The following DOCK1 variants were observed in gnomAD, a reference collection of about 807,000 sequenced individuals.
DOCK1 encodes the protein dedicator of cytokinesis protein 1.
DOCK1 carries 138 observed loss-of-function variants against 262.7 expected under a neutral mutation model. That is an observed-to-expected ratio of 0.53 (90% CI 0.46 to 0.61). DOCK1 has a LOEUF of 0.61. Ranked by LOEUF, DOCK1 falls within the 20% of genes least tolerant of loss-of-function variation. DOCK1 has a pLI of 0.00. For synonymous variants in DOCK1, 866 were observed against 867.4 expected, an observed-to-expected ratio of 1.00 and a Z score of 0.03; for missense variants, 1,908 against 2,370.7, an observed-to-expected ratio of 0.80 and a Z score of 4.05.
intron 1 of DOCK1, among the ~76,000 whole-genome samples, chr10:126,908,238 C>G (rs928567916): frequency 6.6e-6 from 1 of 152,208 alleles, no homozygotes; most frequent in Admixed American, 6.5e-5. Context: ...AGGATGCTGA[C>G]TGGGAAGGAT....
chr10:127,052,545 A>G, intron 21 of DOCK1, 136 bp from the exon 22 acceptor site: 1 of 1,308,774 alleles, frequency 7.6e-7, no homozygotes, highest in Non-Finnish European at 1.0e-6. Context: ...AAAAAAGAGA[A>G]AACGTTTTAC....
chr10:127,144,963 CA>C (rs1564838599), intron 27 of DOCK1, among the ~76,000 whole-genome samples: 15 of 152,112 alleles, frequency 9.9e-5, no homozygotes, highest in Non-Finnish European at 1.5e-4. Flanking sequence ...TTTAAAAAAG[CA>C]TTAGCCAGAT....
At chr10:127,059,648 C>T (rs1244794062) in intron 22 of DOCK1, among the ~76,000 whole-genome samples, 2 of 152,020 alleles carry the variant, frequency 1.3e-5, no homozygotes, top group Non-Finnish European at 2.9e-5. Flanking sequence ...TTGATTTTTT[C>T]ATAGATTCAT....
At position 127,060,258 on chromosome 10, in the gene DOCK1, C is replaced by T. The variant is rs536916769; in HGVS notation, c.2337-1410C>T. ...AAAAATGATTGCAGCTTGATGGCTCCCGAAGGGTTGCACCAGTCTACCAGG... is the reference window on the plus strand; with the variant it reads ...AAAAATGATTGCAGCTTGATGGCTCTCGAAGGGTTGCACCAGTCTACCAGG... On this transcript the variant is annotated intron_variant, in intron 22 of 51. Coordinates refer to ENST00000623213, the MANE Select transcript of DOCK1 (RefSeq NM_001290223.2). Among the ~76,000 whole-genome samples, 461 of 152,166 alleles carry T rather than the reference C, an allele frequency of 3.0e-3. 3 individuals carry two copies. Among genetic ancestry groups the T allele is most frequent in the African/African-American group, 0.011 (445 of 41,516 alleles).
At chr10:127,152,495 A>G (rs2052602287) in intron 27 of DOCK1, among the ~76,000 whole-genome samples, 1 of 152,168 alleles carries the variant, frequency 6.6e-6, no homozygotes. Flanking sequence ...TGCTGCCAGG[A>G]GGCCTTACCA....
intron 29 of DOCK1, among the ~76,000 whole-genome samples, chr10:127,329,467 G>A (rs577204569): frequency 1.3e-5 from 2 of 151,362 alleles, no homozygotes; most frequent in Non-Finnish European, 3.0e-5. Context: ...TGGGGTGAAC[G>A]GACACTGGGG....
intron 1 of DOCK1, among the ~76,000 whole-genome samples, chr10:126,939,707 G>A (rs896183197): frequency 6.6e-6 from 1 of 152,294 alleles, no homozygotes; most frequent in East Asian, 1.9e-4. Flanking sequence ...AGATGAGTCC[G>A]AGTCGTCACG....
intron 29 of DOCK1, among the ~76,000 whole-genome samples, chr10:127,314,438 A>G (rs1269835026): frequency 1.3e-5 from 2 of 152,212 alleles, no homozygotes; most frequent in Admixed American, 1.3e-4. Context: ...CATCCCATTC[A>G]TGCTGGGGAG....
rs1486361676 is a variant in DOCK1 at position 127,145,956 on chromosome 10, C to T, written c.2847+18192C>T. ...TCTCAAACAGGTTCTTTCAAGACGCCTATCTGTGAGGAAGAACCTGCCCTG... is the reference window on the plus strand; with the variant it reads ...TCTCAAACAGGTTCTTTCAAGACGCTTATCTGTGAGGAAGAACCTGCCCTG... On this transcript the variant is annotated intron_variant, in intron 27 of 51. Coordinates refer to ENST00000623213, the MANE Select transcript of DOCK1 (RefSeq NM_001290223.2). 7.8e-6 allele frequency: 4 copies of T among 512,684 alleles called. No individual in the cohort carries two copies. The Admixed American group carries it at 7.9e-5, about 10-fold the overall frequency. The allele number at this position is 512,684 out of a possible 1,614,324, so 31.8% of individuals were successfully genotyped here. A position where few individuals can be genotyped will look rare whatever the true frequency, so the allele number is the denominator to read the frequency against.
intron 23 of DOCK1, among the ~76,000 whole-genome samples, chr10:127,085,580 A>G (rs2047148753): frequency 6.6e-6 from 1 of 152,194 alleles, no homozygotes; most frequent in African/African-American, 2.4e-5. Context: ...TAACATAGTG[A>G]AACCCCATCT....
chr10:127,364,755 G>A (rs1222147560), intron 33 of DOCK1, among the ~76,000 whole-genome samples: 1 of 152,128 alleles, frequency 6.6e-6, no homozygotes, highest in African/African-American at 2.4e-5. Flanking sequence ...AACTTCCCCA[G>A]TGTAATGTCA....
At chr10:127,444,847 G>A (rs575547145) in intron 50 of DOCK1, among the ~76,000 whole-genome samples, 5 of 151,922 alleles carry the variant, frequency 3.3e-5, no homozygotes, top group East Asian at 2.0e-4. Context: ...AGCCTGTCCC[G>A]GGCCTCCCTC....
intron 27 of DOCK1, among the ~76,000 whole-genome samples, chr10:127,208,150 A>C (rs987245645): frequency 6.6e-6 from 1 of 152,238 alleles, no homozygotes; most frequent in African/African-American, 2.4e-5. Flanking sequence ...ACAATTGGGA[A>C]TAGTAATGTC....
Position 126,998,030 on chromosome 10 carries a change from A to G in DOCK1, c.610-62A>G, listed in dbSNP as rs535498342. On this transcript the variant is annotated intron_variant, in intron 7 of 51. Coordinates refer to ENST00000623213, the MANE Select transcript of DOCK1 (RefSeq NM_001290223.2). ...CAATTTTCTATTCTGTAGGGAATAA[A>G]GAAAGCAAGTGTCAGTGATGAGTGT... 8 of 1,591,580 alleles carry G rather than the reference A, an allele frequency of 5.0e-6. No homozygotes were observed. The East Asian group carries it at 1.6e-4, about 31-fold the overall frequency.
chr10:127,361,798 T>C (rs1258688107), intron 32 of DOCK1, among the ~76,000 whole-genome samples: 2 of 152,218 alleles, frequency 1.3e-5, no homozygotes, highest in African/African-American at 4.8e-5. Flanking sequence ...GTGTTCATCT[T>C]CTCTGACAGA....
At chr10:127,010,558 C>A (rs2041350572) in intron 11 of DOCK1, among the ~76,000 whole-genome samples, 1 of 152,158 alleles carries the variant, frequency 6.6e-6, no homozygotes, top group African/African-American at 2.4e-5. Context: ...CAGGGGAGGT[C>A]AGTGGCCCCG....
chr10:127,293,055 A>T (rs2061398482), intron 29 of DOCK1, among the ~76,000 whole-genome samples: 1 of 152,128 alleles, frequency 6.6e-6, no homozygotes, highest in South Asian at 2.1e-4. Context: ...AGGCAAAGAG[A>T]AAGGGGATCT....
chr10:127,433,163 C>T lies in DOCK1; in HGVS notation c.4915-120C>T, dbSNP rs1369317485. 3 of 1,378,292 alleles carry T rather than the reference C, an allele frequency of 2.2e-6. No individual in the cohort carries two copies. The South Asian group carries it at 4.0e-5, about 19-fold the overall frequency. 85.4% of individuals were successfully genotyped at this position (1,378,292 alleles called of 1,614,324 possible). ...TCAGAACAAGAACATGTACTGTTTA[C>T]AGAAGTCTGAACGATGATGGTCTCG... On this transcript the variant is annotated intron_variant, in intron 47 of 51. Transcript: ENST00000623213.
intron 27 of DOCK1, among the ~76,000 whole-genome samples, chr10:127,181,778 C>T (rs1406415039): frequency 1.3e-5 from 2 of 152,152 alleles, no homozygotes; most frequent in African/African-American, 4.8e-5. Context: ...TAGAACCTCA[C>T]TCACTAAATG....
Sources: gnomAD v4.1 joint callset for allele counts (sites outside exome capture counted in the v4.1 genomes callset) on GRCh38, gnomAD v4.1.1 for gene constraint, MANE v1.5 for transcripts, NCBI Gene and HGNC (gene_info 2026-07-23, HGNC 2026-07-21) for gene names.